Variants in RBPJ observed in about 807,000 individuals in gnomAD.
RBPJ encodes the protein recombination signal binding protein for immunoglobulin kappa J region.
In RBPJ, 9 loss-of-function variants were observed where a neutral mutation model predicts 67.8. That is an observed-to-expected ratio of 0.13 (90% CI 0.08 to 0.23). The LOEUF is 0.23. Among genes scored for constraint, RBPJ ranks in the 10% least tolerant of loss-of-function variants. The pLI, the probability that RBPJ is intolerant of heterozygous loss-of-function variation, is 1.00. For synonymous variants in RBPJ, 198 were observed against 203.3 expected (o/e 0.97, Z 0.22); for missense variants, 305 against 595.6 (o/e 0.51, Z 5.08).
intron 1 of RBPJ, among the ~76,000 whole-genome samples, chr4:26,358,926 C>T (rs1727711868): frequency 1.3e-5 from 2 of 152,170 alleles, no homozygotes; most frequent in African/African-American, 4.8e-5. Flanking sequence ...TTCCCCCTTC[C>T]ACTGTTTTTA....
chr4:26,227,689 T>C (rs1317829431), intron 1 of RBPJ, among the ~76,000 whole-genome samples: 1 of 152,166 alleles, frequency 6.6e-6, no homozygotes, highest in African/African-American at 2.4e-5. Context: ...TATATCCACC[T>C]CCTTTGGAGA....
chr4:26,324,331 T>C (rs1432507341), intron 1 of RBPJ, among the ~76,000 whole-genome samples: 1 of 152,116 alleles, frequency 6.6e-6, no homozygotes, highest in African/African-American at 2.4e-5. Context: ...GATACCTTTA[T>C]TCCTGCCCCC....
At chr4:26,384,297 T>C (rs1730595547) in intron 1 of RBPJ, among the ~76,000 whole-genome samples, 1 of 152,202 alleles carries the variant, frequency 6.6e-6, no homozygotes, top group Admixed American at 6.5e-5. Flanking sequence ...TTAATGAAAA[T>C]ACTAAAATAT....
At chr4:26,275,718 C>T (rs1721056918) in intron 1 of RBPJ, among the ~76,000 whole-genome samples, 2 of 152,086 alleles carry the variant, frequency 1.3e-5, no homozygotes, top group African/African-American at 4.8e-5. Context: ...GCAACCTCCG[C>T]CTCTTGGGTT....
chr4:26,113,787 T>G, the RBPJ span: 1 of 248,280 alleles, frequency 4.0e-6, no homozygotes, highest in Non-Finnish European at 8.9e-6. Context: ...AAATCAGCTC[T>G]CACCAAACAT....
intron 3 of RBPJ, among the ~76,000 whole-genome samples, chr4:26,408,063 C>T (rs184043890): frequency 9.2e-5 from 14 of 151,550 alleles, no homozygotes; most frequent in East Asian, 5.8e-4. Flanking sequence ...TTTATAGAGA[C>T]GGGGTTTCAC....
intron 1 of RBPJ, among the ~76,000 whole-genome samples, chr4:26,255,273 G>A (rs577867373): frequency 0.014 from 1,816 of 130,142 alleles, 27 homozygotes; most frequent in Middle Eastern, 0.023. Context: ...GCGTGGTGGC[G>A]GGCGCCTGTA....
At chr4:26,175,693 C>T (rs1309874350) in intron 1 of RBPJ, among the ~76,000 whole-genome samples, 1 of 152,194 alleles carries the variant, frequency 6.6e-6, no homozygotes, top group Non-Finnish European at 1.5e-5. Flanking sequence ...ACTGACAGAC[C>T]TACATGCAGC....
intron 1 of RBPJ, among the ~76,000 whole-genome samples, chr4:26,326,218 G>A (rs1211922985): frequency 7.2e-5 from 11 of 151,878 alleles, no homozygotes; most frequent in African/African-American, 2.7e-4. Context: ...TTTGACTTTG[G>A]TTCTGTAAGG....
At chr4:26,315,792 C>G (rs1046660465), upstream of RBPJ, among the ~76,000 whole-genome samples, 1 of 152,072 alleles carries the variant, frequency 6.6e-6, no homozygotes, top group South Asian at 2.1e-4. Flanking sequence ...GACCTCCCCC[C>G]AGGAATGCAA....
At chr4:26,285,713 A>G (rs1721443313) in intron 1 of RBPJ, among the ~76,000 whole-genome samples, 2 of 148,506 alleles carry the variant, frequency 1.3e-5, no homozygotes, top group Admixed American at 1.3e-4. Context: ...GTGGCACATT[A>G]TCAAATGCAT....
intron 1 of RBPJ, among the ~76,000 whole-genome samples, chr4:26,337,782 G>A (rs1725024837): frequency 6.7e-6 from 1 of 149,132 alleles, no homozygotes; most frequent in African/African-American, 2.5e-5. Flanking sequence ...AACTTCATCG[G>A]CTCAGGCAAT....
upstream of RBPJ, chr4:26,319,935 G>A (rs1294157402): frequency 6.5e-7 from 1 of 1,535,670 alleles, no homozygotes; most frequent in East Asian, 2.3e-5. Flanking sequence ...GCTGTTCCAT[G>A]CCCGGTGGGG....
upstream of RBPJ, chr4:26,163,307 A>C (rs370006600): frequency 1.1e-4 from 17 of 152,128 alleles, no homozygotes; most frequent in East Asian, 1.4e-3. Context: ...GAAAAAGAAG[A>C]AGCAATAAAT....
chr4:26,408,765 G>C (rs1480387106), intron 3 of RBPJ, among the ~76,000 whole-genome samples: 1 of 152,220 alleles, frequency 6.6e-6, no homozygotes, highest in Non-Finnish European at 1.5e-5. Context: ...GGAATCTGTG[G>C]AGCTAGGGTT....
chr4:26,183,182 G>A (rs1273028290), intron 1 of RBPJ, among the ~76,000 whole-genome samples: 3 of 152,206 alleles, frequency 2.0e-5, no homozygotes, highest in Admixed American at 2.0e-4. Context: ...AGCAGAAAGT[G>A]TGTGTACACC....
intron 1 of RBPJ, among the ~76,000 whole-genome samples, chr4:26,303,396 T>TGGAGACCAGCCTGGGCAACATACTGAGA (rs1722141035): frequency 7.0e-6 from 1 of 143,000 alleles, no homozygotes. Flanking sequence ...GCCCAGGAGT[T>TGGAGACCAGCCTGGGCAACATACTGAGA]CAAGGCTACA....
At position 26,354,451 on chromosome 4, in the gene RBPJ, G is replaced by GTT. The variant is rs35328021; in HGVS notation, c.21-31884_21-31883dup. 4.9e-4 allele frequency among the ~76,000 whole-genome samples: 58 copies of GTT among 117,468 alleles called. 1 individual carries two copies. Among genetic ancestry groups the GTT allele is most frequent in the African/African-American group, 1.3e-3 (41 of 31,986 alleles). The allele number at this position is 117,468 out of a possible 152,430, so 77.1% of individuals were successfully genotyped here. ...TTTATTTATTGGCAAAAAGATTTCT[G>GTT]TTTTTTTTTTTTTTTTTTTGATACG... On this transcript the variant is annotated intron_variant, in intron 1 of 10. Transcript: ENST00000355476.
In RBPJ at chr4:26,340,766, GGA is replaced by G. The variant is rs565600130; in HGVS notation, c.20+19721_20+19722del. Among the ~76,000 whole-genome samples the G allele has an allele frequency of 1.6e-3, 247 of 152,052 alleles. 2 individuals carry two copies. Among genetic ancestry groups the G allele is most frequent in the African/African-American group, 5.7e-3 (236 of 41,498 alleles). ...CCCAGCTGCTTGGGAGGCTGAGGCA[GGA>G]GAATCGCTTGAACCCGGGAGGCGGA... On this transcript the variant is annotated intron_variant, in intron 1 of 10. Transcript: ENST00000355476.
Sources: gnomAD v4.1 joint callset for allele counts (sites outside exome capture counted in the v4.1 genomes callset) on GRCh38, gnomAD v4.1.1 for gene constraint, MANE v1.5 for transcripts, NCBI Gene and HGNC (gene_info 2026-07-23, HGNC 2026-07-21) for gene names.